RBFOX1: variants seen among roughly 807,000 people sequenced by gnomAD.
RBFOX1 encodes RNA binding protein fox-1 homolog 1.
A neutral mutation model predicts 57.7 loss-of-function variants in RBFOX1; 8 were observed. The ratio of observed to expected loss-of-function variants is 0.14; its 90% CI spans 0.08 to 0.25. The LOEUF is 0.25. RBFOX1 is among the 10% of genes least tolerant of loss of function. The pLI is 1.00. For synonymous variants in RBFOX1, 326 were observed against 222.4 expected (o/e 1.47, Z -4.15); for missense variants, 611 against 548.5 (o/e 1.11, Z -1.14).
At chr16:7,110,557 A>G (rs1381516098) in intron 4 of RBFOX1, among the ~76,000 whole-genome samples, 2 of 152,208 alleles carry the variant, frequency 1.3e-5, no homozygotes, top group African/African-American at 2.4e-5. Context: ...CTTCGAGTAC[A>G]CAGTGGCTAA....
At chr16:7,665,629 T>A (rs1395390479) in intron 13 of RBFOX1, among the ~76,000 whole-genome samples, 1 of 152,220 alleles carries the variant, frequency 6.6e-6, no homozygotes, top group Non-Finnish European at 1.5e-5. Flanking sequence ...AACAAGAATT[T>A]AACTATGTTC....
chr16:5,734,700 C>T (rs565654685), intron 3 of RBFOX1, among the ~76,000 whole-genome samples: 1 of 152,160 alleles, frequency 6.6e-6, no homozygotes, highest in Non-Finnish European at 1.5e-5. Flanking sequence ...TGGGCAGCAG[C>T]TCTCAGATGA....
chr16:5,923,943 A>G (rs1253151579), intron 4 of RBFOX1, among the ~76,000 whole-genome samples: 1 of 152,132 alleles, frequency 6.6e-6, no homozygotes, highest in Non-Finnish European at 1.5e-5. Flanking sequence ...TCTCCACACA[A>G]AATCTCATCT....
intron 3 of RBFOX1, among the ~76,000 whole-genome samples, chr16:6,730,284 G>C (rs2068208506): frequency 6.6e-6 from 1 of 152,044 alleles, no homozygotes; most frequent in Non-Finnish European, 1.5e-5. Flanking sequence ...CTAAGGATGG[G>C]GGTAGCAATG....
At chr16:6,573,705 C>A (rs1191227998) in intron 2 of RBFOX1, 4 of 152,202 alleles carry the variant, frequency 2.6e-5, no homozygotes, top group African/African-American at 9.6e-5. Context: ...GACGCGCCTC[C>A]CGAAAGAGAC....
intron 2 of RBFOX1, among the ~76,000 whole-genome samples, chr16:6,417,748 T>G (rs2093665492): frequency 6.9e-6 from 1 of 145,896 alleles, no homozygotes; most frequent in East Asian, 2.0e-4. Context: ...AAGTGCAGGT[T>G]TGTTGCATAA....
intron 4 of RBFOX1, among the ~76,000 whole-genome samples, chr16:5,918,318 C>T (rs1336603424): frequency 1.3e-5 from 2 of 152,138 alleles, no homozygotes; most frequent in African/African-American, 4.8e-5. Context: ...CGGGGTTTCA[C>T]CATGTTGGCC....
chr16:7,177,326 G>C (rs935749049), intron 4 of RBFOX1, among the ~76,000 whole-genome samples: 3 of 152,276 alleles, frequency 2.0e-5, no homozygotes, highest in Admixed American at 1.3e-4. Flanking sequence ...AAGGCCTCAA[G>C]AGCTGAGGAT....
rs375094683 is a variant in RBFOX1 at position 6,386,943 on chromosome 16, A to G, written c.-64+69886A>G. On this transcript the variant is annotated intron_variant, in intron 2 of 15. Coordinates refer to ENST00000550418, the MANE Select transcript of RBFOX1 (RefSeq NM_018723.4). The stretch of plus-strand genomic sequence containing the variant: ...AATAAAGAATCTCTATGGTTGAAAA[A>G]TAAAGAGAGAGGTGTTGGGGTAGTT... 3.3e-5 allele frequency among the ~76,000 whole-genome samples: 5 copies of G among 152,300 alleles called. 1 individual carries two copies. The highest frequency in any genetic ancestry group is 1.2e-4 in the African/African-American group (5 of 41,574).
At chr16:6,469,321 G>A (rs963220432) in intron 2 of RBFOX1, among the ~76,000 whole-genome samples, 5 of 152,090 alleles carry the variant, frequency 3.3e-5, no homozygotes, top group Admixed American at 1.3e-4. Context: ...CCAAGGTATG[G>A]GATTCAAATG....
intron 3 of RBFOX1, among the ~76,000 whole-genome samples, chr16:6,818,007 G>A (rs912679182): frequency 5.9e-5 from 9 of 152,156 alleles, no homozygotes; most frequent in South Asian, 2.1e-4. Context: ...AAATGAGCAT[G>A]GGTTAGTGGC....
intron 2 of RBFOX1, among the ~76,000 whole-genome samples, chr16:6,327,111 C>T (rs1421782184): frequency 1.3e-5 from 2 of 152,138 alleles, no homozygotes; most frequent in African/African-American, 4.8e-5. Flanking sequence ...CACTGTCGTT[C>T]CTTCTCCACT....
chr16:7,139,200 GTGTGTGTGTT>G (rs2072954571), intron 4 of RBFOX1, among the ~76,000 whole-genome samples: 1 of 151,716 alleles, frequency 6.6e-6, no homozygotes, highest in South Asian at 2.1e-4. Flanking sequence ...GTGTGTGTAT[GTGTGTGTGTT>G]TGTGTGTGTG....
intron 2 of RBFOX1, among the ~76,000 whole-genome samples, chr16:6,599,373 A>G (rs79560880): frequency 0.026 from 3,962 of 152,270 alleles, 114 homozygotes; most frequent in African/African-American, 0.071. Flanking sequence ...TGGGTCTAGT[A>G]ATGAGTCTCT....
intron 3 of RBFOX1, chr16:6,774,046 G>A (rs1337029720): frequency 1.0e-6 from 1 of 959,570 alleles, no homozygotes; most frequent in African/African-American, 1.8e-5. Context: ...ACCTGTAAAT[G>A]CTCATTGGCT....
At chr16:7,407,505 T>C (rs570689063) in intron 4 of RBFOX1, among the ~76,000 whole-genome samples, 1 of 152,224 alleles carries the variant, frequency 6.6e-6, no homozygotes, top group East Asian at 1.9e-4. Context: ...TGCATCTTTG[T>C]ATCCCCAGAG....
intron 3 of RBFOX1, among the ~76,000 whole-genome samples, chr16:5,781,814 A>T (rs554539885): frequency 2.0e-5 from 3 of 152,336 alleles, no homozygotes; most frequent in Admixed American, 6.5e-5. Flanking sequence ...GTTATCCTCT[A>T]TGGCACTGAT....
At chr16:6,329,799 A>G (rs1384484356) in intron 2 of RBFOX1, among the ~76,000 whole-genome samples, 2 of 152,110 alleles carry the variant, frequency 1.3e-5, no homozygotes, top group African/African-American at 2.4e-5. Flanking sequence ...TTAAGTGGGA[A>G]TAGTGTCACA....
intron 4 of RBFOX1, among the ~76,000 whole-genome samples, chr16:7,443,790 A>G (rs1262423956): frequency 1.3e-5 from 2 of 152,208 alleles, no homozygotes; most frequent in Non-Finnish European, 2.9e-5. Flanking sequence ...CTCCTATTTT[A>G]TACATTACAA....
Sources: gnomAD v4.1 joint callset for allele counts (sites outside exome capture counted in the v4.1 genomes callset) on GRCh38, gnomAD v4.1.1 for gene constraint, MANE v1.5 for transcripts, NCBI Gene and HGNC (gene_info 2026-07-23, HGNC 2026-07-21) for gene names.